Variants in KCNC2 observed in about 807,000 individuals in gnomAD.
The protein encoded by KCNC2 is potassium voltage-gated channel subfamily C member 2, also known as voltage-gated potassium channel KCNC2.
KCNC2 carries 21 observed loss-of-function variants against 44.5 expected under a neutral mutation model. The ratio of observed to expected loss-of-function variants is 0.47; its 90% confidence interval spans 0.33 to 0.68. The LOEUF (loss-of-function observed/expected upper bound fraction) is 0.68, where lower values mean the gene tolerates loss of function less well. KCNC2 is among the 30% of genes least tolerant of loss of function. The probability of loss-of-function intolerance (pLI) is 0.01; values close to 1 mark genes in which losing one functional copy is unlikely to be tolerated. For synonymous variants in KCNC2, 391 were observed against 339.1 expected (o/e 1.15, Z -1.68); for missense variants, 589 against 826.2 (o/e 0.71, Z 3.52).
intron 2 of KCNC2, among the ~76,000 whole-genome samples, chr12:75,164,503 C>T (rs2446329): frequency 0.2 from 29,918 of 151,570 alleles, 3,273 homozygotes; most frequent in African/African-American, 0.27. Context: ...GATACTTTGC[C>T]AGTAGCCACT....
intron 2 of KCNC2, among the ~76,000 whole-genome samples, chr12:75,115,819 A>G (rs770738371): frequency 1.3e-5 from 2 of 152,168 alleles, no homozygotes; most frequent in Non-Finnish European, 2.9e-5. Context: ...ATTAAGAATG[A>G]GAGCTCTGGA....
intron 2 of KCNC2, among the ~76,000 whole-genome samples, chr12:75,084,125 G>C (rs1275366152): frequency 1.3e-5 from 2 of 151,782 alleles, no homozygotes; most frequent in Non-Finnish European, 2.9e-5. Context: ...AAATGTGGAG[G>C]TCAAGGAAAT....
intron 2 of KCNC2, among the ~76,000 whole-genome samples, chr12:75,202,511 A>G (rs564429072): frequency 3.3e-5 from 5 of 151,934 alleles, no homozygotes; most frequent in Non-Finnish European, 7.4e-5. Flanking sequence ...TTTGAGGAAT[A>G]TGAAGTTTGG....
chr12:75,135,470 G>A (rs757929365), intron 2 of KCNC2, among the ~76,000 whole-genome samples: 14 of 151,924 alleles, frequency 9.2e-5, no homozygotes, highest in Non-Finnish European at 1.9e-4. Flanking sequence ...GAAAATATAA[G>A]AGATAGATAG....
intron 2 of KCNC2, among the ~76,000 whole-genome samples, chr12:75,102,822 C>T (rs1218208756): frequency 1.3e-5 from 2 of 151,958 alleles, no homozygotes; most frequent in African/African-American, 2.4e-5. Flanking sequence ...CCCCCACCCA[C>T]ACGTTTATTA....
At chr12:75,077,591 T>C (rs185658099) in intron 2 of KCNC2, among the ~76,000 whole-genome samples, 32 of 152,338 alleles carry the variant, frequency 2.1e-4, no homozygotes, top group African/African-American at 7.7e-4. Context: ...AATTTTTCTC[T>C]CTTCTAAAGG....
At chr12:75,192,703 A>G (rs2030400960) in intron 2 of KCNC2, among the ~76,000 whole-genome samples, 3 of 152,152 alleles carry the variant, frequency 2.0e-5, no homozygotes, top group Admixed American at 2.0e-4. Flanking sequence ...AAAAGTGGGA[A>G]AAGAAGGTGA....
At chr12:75,158,470 T>C (rs1294749643) in intron 2 of KCNC2, among the ~76,000 whole-genome samples, 9 of 151,906 alleles carry the variant, frequency 5.9e-5, no homozygotes, top group Non-Finnish European at 1.2e-4. Context: ...CAAAACAAAG[T>C]AACAGCCTAC....
At chr12:75,047,211 T>A (rs1880627559) in intron 4 of KCNC2, among the ~76,000 whole-genome samples, 1 of 151,932 alleles carries the variant, frequency 6.6e-6, no homozygotes, top group Non-Finnish European at 1.5e-5. Flanking sequence ...TAGAAGCTAA[T>A]AATAAAGCAT....
rs1879815206 is a variant in KCNC2, at chr12:75,040,803, T to C, written c.*2302A>G. On this transcript the variant is annotated 3_prime_UTR_variant, in exon 5 of 5. Coordinates refer to ENST00000549446, the MANE Select transcript of KCNC2 (RefSeq NM_139137.4). ...ACTACATCAGTATCACTGCCTTAAG[T>C]AATTCACAGCACAACCTAATGTGGG... 6.1e-6 allele frequency: 2 copies of C among 326,654 alleles called. No individual in the cohort carries two copies. Among genetic ancestry groups the C allele is most frequent in the Admixed American group, 4.1e-5 (1 of 24,242 alleles). 20.2% of individuals were successfully genotyped at this position (326,654 alleles called of 1,614,324 possible).
intron 2 of KCNC2, among the ~76,000 whole-genome samples, chr12:75,100,672 T>G (rs779637849): frequency 2.0e-5 from 3 of 152,064 alleles, no homozygotes; most frequent in Non-Finnish European, 4.4e-5. Context: ...TATTCATCAA[T>G]GTAACTTATT....
chr12:75,103,717 C>G (rs970571730), intron 2 of KCNC2, among the ~76,000 whole-genome samples: 2 of 152,138 alleles, frequency 1.3e-5, no homozygotes, highest in African/African-American at 4.8e-5. Flanking sequence ...ATGCCTGAAA[C>G]TGCAAATAGT....
At chr12:75,183,726 G>T (rs981590825) in intron 2 of KCNC2, among the ~76,000 whole-genome samples, 3 of 152,100 alleles carry the variant, frequency 2.0e-5, no homozygotes, top group African/African-American at 7.2e-5. Context: ...CCTCTGAAAT[G>T]GTCCCACATC....
chr12:75,153,019 G>A (rs1890513363), intron 2 of KCNC2, among the ~76,000 whole-genome samples: 1 of 151,928 alleles, frequency 6.6e-6, no homozygotes, highest in Non-Finnish European at 1.5e-5. Context: ...TGGGAAAAGT[G>A]GCAACAATAA....
intron 2 of KCNC2, among the ~76,000 whole-genome samples, chr12:75,097,879 A>C (rs1186377309): frequency 6.6e-6 from 1 of 152,178 alleles, no homozygotes; most frequent in Admixed American, 6.6e-5. Context: ...GTTTTTCTCA[A>C]TGTGAAATAT....
intron 2 of KCNC2, among the ~76,000 whole-genome samples, chr12:75,138,906 G>T (rs931950801): frequency 6.7e-6 from 1 of 149,290 alleles, no homozygotes; most frequent in African/African-American, 2.5e-5. Flanking sequence ...GCATGAACCC[G>T]GGAGGCGGAG....
At chr12:75,088,048 T>A (rs10506675) in intron 2 of KCNC2, among the ~76,000 whole-genome samples, 1 of 151,786 alleles carries the variant, frequency 6.6e-6, no homozygotes, top group Non-Finnish European at 1.5e-5. Context: ...TGACAGATAT[T>A]GTTTTAGAGC....
rs1268929669 is a variant in KCNC2, at chr12:75,209,402, G to T, written c.-215C>A. 6.6e-6 allele frequency: 1 copy of T among 152,374 alleles called. No homozygotes were observed. The highest frequency in any genetic ancestry group is 1.5e-5 in the Non-Finnish European group (1 of 68,214). 9.4% of individuals were successfully genotyped at this position (152,374 alleles called of 1,614,324 possible). On this transcript the variant is annotated 5_prime_UTR_variant, in exon 1 of 5. Transcript: ENST00000549446. Reference sequence around the variant, plus strand: ...GTGGGGGAGAAAGCCCCCGCCGGCCGCCGGCCGCGCTCCCCGCCTTCATTC... The same window carrying T: ...GTGGGGGAGAAAGCCCCCGCCGGCCTCCGGCCGCGCTCCCCGCCTTCATTC...
rs1891842893 is a variant in KCNC2, at chr12:75,171,843, T to C, written c.687+35454A>G. ...TTAACCTGATTTGATCATTACACTT[T>C]GTGTGCAAGTATCAGTATCCCATAA... On this transcript the variant is annotated intron_variant, in intron 2 of 4. Transcript: ENST00000549446. 2.6e-5 allele frequency among the ~76,000 whole-genome samples: 4 copies of C among 151,872 alleles called. No individual in the cohort carries two copies. In the South Asian group the frequency reaches 8.3e-4, roughly 31 times the overall value.
Sources: gnomAD v4.1 joint callset for allele counts (sites outside exome capture counted in the v4.1 genomes callset) on GRCh38, gnomAD v4.1.1 for gene constraint, MANE v1.5 for transcripts, NCBI Gene and HGNC (gene_info 2026-07-23, HGNC 2026-07-21) for gene names.